The following GLIS3 variants were observed in gnomAD, a reference collection of about 807,000 sequenced individuals.
GLIS3 encodes the protein zinc finger protein GLIS3.
Under a neutral mutation model 78.6 loss-of-function variants are expected in GLIS3, and 53 were observed. That is an observed-to-expected ratio of 0.67 (90% CI 0.54 to 0.85). The LOEUF (loss-of-function observed/expected upper bound fraction) is 0.85, where lower values mean the gene tolerates loss of function less well. Among genes scored for constraint, GLIS3 ranks in the 40% least tolerant of loss-of-function variants. The pLI is 0.00. For synonymous variants in GLIS3, 684 were observed against 509.9 expected (o/e 1.34, Z -4.60); for missense variants, 1,703 against 1,231.1 (o/e 1.38, Z -5.74).
At chr9:3,881,488 C>T (rs1269610666) in intron 7 of GLIS3, among the ~76,000 whole-genome samples, 1 of 152,188 alleles carries the variant, frequency 6.6e-6, no homozygotes, top group African/African-American at 2.4e-5. Flanking sequence ...TATGGTCCAA[C>T]AGAAAGTGTG....
In GLIS3 at chr9:3,827,938, A is replaced by G. The variant is rs1817812993; in HGVS notation, c.*334T>C. The G allele has an allele frequency of 1.1e-5, 4 of 355,774 alleles. No homozygotes were observed. The highest frequency in any genetic ancestry group is 1.0e-4 in the South Asian group (4 of 39,408). 22.0% of individuals were successfully genotyped at this position (355,774 alleles called of 1,614,324 possible). On this transcript the variant is annotated 3_prime_UTR_variant, in exon 11 of 11. Coordinates refer to ENST00000381971, the MANE Select transcript of GLIS3 (RefSeq NM_001042413.2). ...TCAGGTAGAGTCATCCCCAAACTAC[A>G]TTTTCATATGCACATCATTTCACTG...
intron 7 of GLIS3, among the ~76,000 whole-genome samples, chr9:3,887,693 C>G (rs191771113): frequency 1.1e-4 from 17 of 152,292 alleles, no homozygotes; most frequent in Admixed American, 6.5e-4. Flanking sequence ...CCCTGCAATA[C>G]AACTAGAAGA....
the GLIS3 span, among the ~76,000 whole-genome samples, chr9:4,380,331 C>T: frequency 6.6e-6 from 1 of 152,132 alleles, no homozygotes; most frequent in Non-Finnish European, 1.5e-5. Context: ...CACACACATA[C>T]ACAAAGATAA....
In GLIS3 at chr9:4,125,757, C is replaced by G; in HGVS notation, c.573G>C (p.Leu191=). 1 of 1,613,786 alleles carries G rather than the reference C, an allele frequency of 6.2e-7. No homozygotes were observed. Among genetic ancestry groups the G allele is most frequent in the Non-Finnish European group, 8.5e-7 (1 of 1,179,934 alleles). The part of the protein sequence containing the change: ...SLQRAMNAAN[L]NIPPSDTRSL... Reference sequence around the variant, plus strand: ...ACCTGGTATCTGAAGGAGGTATATTCAGGTTGGCTGCATTCATTGCCCTCT... The same window carrying G: ...ACCTGGTATCTGAAGGAGGTATATTGAGGTTGGCTGCATTCATTGCCCTCT... Residue 191 remains leucine (L), a synonymous_variant, in exon 3 of 11, where the codon CTG becomes CTC. Transcript: ENST00000381971.
At chr9:4,006,928 G>A (rs1013522586) in intron 4 of GLIS3, among the ~76,000 whole-genome samples, 2 of 152,218 alleles carry the variant, frequency 1.3e-5, no homozygotes, top group African/African-American at 2.4e-5. Flanking sequence ...GATGCAAGCT[G>A]TCTAGGGAAG....
chr9:4,384,711 C>A, the GLIS3 span, among the ~76,000 whole-genome samples: 1 of 151,936 alleles, frequency 6.6e-6, no homozygotes, highest in East Asian at 1.9e-4. Context: ...TAATAAATTC[C>A]ATTTCCTTTT....
chr9:4,196,386 C>A (rs1205492559), intron 2 of GLIS3, among the ~76,000 whole-genome samples: 2 of 152,218 alleles, frequency 1.3e-5, no homozygotes, highest in African/African-American at 4.8e-5. Context: ...CCAGCAGTGG[C>A]AACCGGCTCA....
chr9:4,369,799 T>TA, the GLIS3 span, among the ~76,000 whole-genome samples: 1 of 152,178 alleles, frequency 6.6e-6, no homozygotes, highest in African/African-American at 2.4e-5. Flanking sequence ...GTCTATCTAA[T>TA]AGAGATAAAA....
At chr9:4,429,007 T>G in the GLIS3 span, among the ~76,000 whole-genome samples, 1 of 152,138 alleles carries the variant, frequency 6.6e-6, no homozygotes, top group Non-Finnish European at 1.5e-5. Flanking sequence ...TTCAAACCAC[T>G]ATCATCTCTC....
rs145308025 is a variant in GLIS3, at chr9:4,167,205, T to G, written c.389-41264A>C. The stretch of plus-strand genomic sequence containing the variant: ...CAAAGCTGCAACAGGAGCTCCTGTT[T>G]GCTGACTCAGTCCAGTACAGATTCC... On this transcript the variant is annotated intron_variant, in intron 2 of 10. Coordinates refer to ENST00000381971, the MANE Select transcript of GLIS3 (RefSeq NM_001042413.2). 4.0e-5 allele frequency among the ~76,000 whole-genome samples: 6 copies of G among 151,814 alleles called. No individual in the cohort carries two copies. The East Asian group carries it at 1.2e-3, about 29-fold the overall frequency.
chr9:4,418,078 G>T, the GLIS3 span, among the ~76,000 whole-genome samples: 1 of 152,082 alleles, frequency 6.6e-6, no homozygotes, highest in African/African-American at 2.4e-5. Flanking sequence ...TCCATCTTAG[G>T]AATGCACTGC....
rs554681117 is a variant in GLIS3 at position 4,202,483 on chromosome 9, G to T, written c.389-76542C>A. 2.3e-4 allele frequency among the ~76,000 whole-genome samples: 35 copies of T among 151,786 alleles called. 1 individual carries two copies. In the South Asian group the frequency reaches 5.8e-3, roughly 25 times the overall value. On this transcript the variant is annotated intron_variant, in intron 2 of 10. Transcript: ENST00000381971. The stretch of plus-strand genomic sequence containing the variant: ...AAAAATAAATAAATAAAATTCACGT[G>T]AAACCAAAAAAGAGCCCAAACAGCC...
chr9:4,159,667 C>G (rs1248077587), intron 2 of GLIS3, among the ~76,000 whole-genome samples: 2 of 151,334 alleles, frequency 1.3e-5, no homozygotes, highest in African/African-American at 4.9e-5. Flanking sequence ...TGCAGTGAGC[C>G]GAGATCGCAC....
chr9:4,249,301 G>A (rs1308491879), intron 2 of GLIS3, among the ~76,000 whole-genome samples: 5 of 152,128 alleles, frequency 3.3e-5, no homozygotes, highest in African/African-American at 9.7e-5. Flanking sequence ...ATTTCTTTGA[G>A]CAGTGGTTTG....
chr9:3,861,709 C>G (rs948755425), intron 8 of GLIS3, among the ~76,000 whole-genome samples: 1 of 152,170 alleles, frequency 6.6e-6, no homozygotes, highest in African/African-American at 2.4e-5. Context: ...ACTGAATGTT[C>G]TCACTTATAA....
intron 9 of GLIS3, among the ~76,000 whole-genome samples, chr9:3,842,038 A>G (rs1277566811): frequency 6.6e-6 from 1 of 152,198 alleles, no homozygotes; most frequent in Non-Finnish European, 1.5e-5. Context: ...CTTTCCAACT[A>G]AGCTTTGCTG....
intron 2 of GLIS3, among the ~76,000 whole-genome samples, chr9:4,232,642 G>A (rs1348016880): frequency 6.6e-6 from 1 of 152,052 alleles, no homozygotes; most frequent in Non-Finnish European, 1.5e-5. Flanking sequence ...GCAACAGGTA[G>A]GCTACTACAA....
chr9:3,847,224 TAAAA>T (rs1388171657), intron 9 of GLIS3, among the ~76,000 whole-genome samples: 2 of 147,540 alleles, frequency 1.4e-5, no homozygotes, highest in Non-Finnish European at 3.0e-5. Flanking sequence ...TAAAAAAAAA[TAAAA>T]TAAAGAGGGG....
At chr9:4,340,298 A>AG (rs1220939468) in intron 2 of GLIS3, among the ~76,000 whole-genome samples, 1 of 150,898 alleles carries the variant, frequency 6.6e-6, no homozygotes, top group Non-Finnish European at 1.5e-5. Flanking sequence ...AATGAGAAAA[A>AG]AAAAAAAAAG....
Sources: allele counts gnomAD v4.1 joint callset (sites outside exome capture counted in the v4.1 genomes callset), GRCh38; gene constraint gnomAD v4.1.1; transcripts MANE v1.5; gene names NCBI Gene and HGNC (gene_info 2026-07-23, HGNC 2026-07-21).